Variants in PHLPP1 observed in about 807,000 individuals in gnomAD.
PHLPP1 encodes the protein PH domain and leucine rich repeat protein phosphatase 1, also known as PH domain leucine-rich repeat-containing protein phosphatase 1.
PHLPP1 carries 42 observed loss-of-function variants against 117.2 expected under a neutral mutation model. The observed-to-expected ratio is 0.36, with a 90% CI of 0.28 to 0.46. PHLPP1 has a LOEUF of 0.46. Among genes scored for constraint, PHLPP1 ranks in the 20% least tolerant of loss-of-function variants. PHLPP1 has a pLI of 1.00. For missense variants in PHLPP1, 2,084 were observed against 2,241.9 expected, an observed-to-expected ratio of 0.93 and a Z score of 1.42; for synonymous variants, 1,042 against 970.7, an observed-to-expected ratio of 1.07 and a Z score of -1.37.
At chr18:62,884,351 G>C (rs560862046) in intron 4 of PHLPP1, among the ~76,000 whole-genome samples, 1 of 152,336 alleles carries the variant, frequency 6.6e-6, no homozygotes, top group Non-Finnish European at 1.5e-5. Context: ...TGAAGTGGGA[G>C]AGACTGTTAA....
At chr18:62,722,040 G>C (rs1468948751) in intron 1 of PHLPP1, among the ~76,000 whole-genome samples, 1 of 152,104 alleles carries the variant, frequency 6.6e-6, no homozygotes, top group Non-Finnish European at 1.5e-5. Flanking sequence ...TGATTTTTCA[G>C]CTTCCATCCT....
intron 1 of PHLPP1, among the ~76,000 whole-genome samples, chr18:62,757,814 C>G (rs1171447107): frequency 6.6e-6 from 1 of 152,210 alleles, no homozygotes; most frequent in East Asian, 1.9e-4. Flanking sequence ...CACCTGCTTG[C>G]AGACCTGTGT....
At chr18:62,763,891 G>A (rs116858591) in intron 1 of PHLPP1, among the ~76,000 whole-genome samples, 3,672 of 151,946 alleles carry the variant, frequency 0.024, 57 homozygotes, top group Middle Eastern at 0.058. Flanking sequence ...AGCTGGGTGC[G>A]GTGGCTCACA....
At chr18:62,860,865 A>G (rs1379845545) in intron 4 of PHLPP1, among the ~76,000 whole-genome samples, 2 of 152,200 alleles carry the variant, frequency 1.3e-5, no homozygotes, top group Non-Finnish European at 2.9e-5. Context: ...TCCTTAAACA[A>G]CTTTTATTCC....
intron 8 of PHLPP1, among the ~76,000 whole-genome samples, chr18:62,913,938 G>A (rs538047462): frequency 5.2e-4 from 79 of 151,942 alleles, no homozygotes; most frequent in African/African-American, 1.7e-3. Flanking sequence ...TAGAGACAGG[G>A]TTTCACCATG....
chr18:62,883,657 T>TG (rs1014204544), intron 4 of PHLPP1, among the ~76,000 whole-genome samples: 9 of 152,200 alleles, frequency 5.9e-5, no homozygotes, highest in African/African-American at 2.2e-4. Flanking sequence ...TACATACTCT[T>TG]GGGGCCATCA....
At chr18:62,718,602 A>G (rs1202285610) in intron 1 of PHLPP1, among the ~76,000 whole-genome samples, 2 of 152,228 alleles carry the variant, frequency 1.3e-5, no homozygotes, top group Non-Finnish European at 2.9e-5. Context: ...GCAGTATCTG[A>G]AGACAATTTG....
intron 8 of PHLPP1, among the ~76,000 whole-genome samples, chr18:62,906,116 T>C (rs558104700): frequency 1.3e-5 from 2 of 152,356 alleles, no homozygotes; most frequent in Non-Finnish European, 2.9e-5. Flanking sequence ...CTGGTGTGTT[T>C]ATTAACAGTC....
chr18:62,810,436 A>T (rs1396444212), intron 1 of PHLPP1, among the ~76,000 whole-genome samples: 6 of 152,134 alleles, frequency 3.9e-5, no homozygotes. Flanking sequence ...CTCCCAGTGG[A>T]TGCCTGAAAC....
chr18:62,927,711 A>G (rs554799709), intron 10 of PHLPP1, among the ~76,000 whole-genome samples: 15 of 152,248 alleles, frequency 9.9e-5, no homozygotes, highest in South Asian at 6.2e-4. Flanking sequence ...TAGAGATAAA[A>G]CAGTGGAAAT....
chr18:62,897,655 C>G (rs573707617), intron 6 of PHLPP1, among the ~76,000 whole-genome samples: 3 of 152,000 alleles, frequency 2.0e-5, no homozygotes, highest in Non-Finnish European at 2.9e-5. Flanking sequence ...TACAAGTGCC[C>G]GCCACCACAC....
At chr18:62,939,499 A>G (rs1446744155) in intron 10 of PHLPP1, among the ~76,000 whole-genome samples, 2 of 152,210 alleles carry the variant, frequency 1.3e-5, no homozygotes, top group African/African-American at 2.4e-5. Context: ...GTAAACAACT[A>G]TGTTGCTGAA....
At chr18:62,941,230 C>T (rs1910122289) in intron 10 of PHLPP1, among the ~76,000 whole-genome samples, 1 of 152,170 alleles carries the variant, frequency 6.6e-6, no homozygotes, top group Non-Finnish European at 1.5e-5. Flanking sequence ...GATCTAATAC[C>T]TGTTTTATTA....
chr18:62,743,260 A>C (rs1016337693), intron 1 of PHLPP1, among the ~76,000 whole-genome samples: 5 of 152,118 alleles, frequency 3.3e-5, no homozygotes, highest in Admixed American at 1.3e-4. Flanking sequence ...GAGTAGATTA[A>C]GTGATAGTGA....
At chr18:62,765,392 G>A (rs1424436247) in intron 1 of PHLPP1, among the ~76,000 whole-genome samples, 5 of 152,210 alleles carry the variant, frequency 3.3e-5, no homozygotes, top group African/African-American at 1.2e-4. Context: ...ATAATAGGAG[G>A]TATGCAAATA....
chr18:62,890,692 C>T (rs949489657), intron 4 of PHLPP1, among the ~76,000 whole-genome samples: 4 of 152,296 alleles, frequency 2.6e-5, no homozygotes, highest in Admixed American at 1.3e-4. Context: ...ACCACCGCCC[C>T]GCCACATTAT....
intron 1 of PHLPP1, among the ~76,000 whole-genome samples, chr18:62,817,154 G>C (rs1189885912): frequency 6.6e-6 from 1 of 152,234 alleles, no homozygotes; most frequent in Non-Finnish European, 1.5e-5. Flanking sequence ...GTGTTTCCCA[G>C]GCTGGTCTGA....
rs562772171 is a variant in PHLPP1 at position 62,766,464 on chromosome 18, A to T, written c.1576+49205A>T. On this transcript the variant is annotated intron_variant, in intron 1 of 16. Transcript: ENST00000262719. Reference sequence around the variant, plus strand: ...TCTAGTTTCAGCTCATTCCTTTCCTACAGATCTTGCATTCTGCTGTGCTTG... The same window carrying T: ...TCTAGTTTCAGCTCATTCCTTTCCTTCAGATCTTGCATTCTGCTGTGCTTG... Among the ~76,000 whole-genome samples the T allele has an allele frequency of 4.6e-5, 7 of 152,026 alleles. No homozygotes were observed. In the East Asian group the frequency reaches 1.4e-3, roughly 30 times the overall value.
At chr18:62,847,484 C>T (rs971033938) in intron 3 of PHLPP1, among the ~76,000 whole-genome samples, 3 of 151,962 alleles carry the variant, frequency 2.0e-5, no homozygotes, top group Non-Finnish European at 4.4e-5. Flanking sequence ...AAAATACTTG[C>T]GGGTTTGATC....
Sources: allele counts gnomAD v4.1 joint callset (sites outside exome capture counted in the v4.1 genomes callset), GRCh38; gene constraint gnomAD v4.1.1; transcripts MANE v1.5; gene names NCBI Gene and HGNC (gene_info 2026-07-23, HGNC 2026-07-21).